The following CACNA1D variants were observed in gnomAD, a reference collection of about 807,000 sequenced individuals.
The protein encoded by CACNA1D is calcium voltage-gated channel subunit alpha1 D, also known as voltage-dependent L-type calcium channel subunit alpha-1D.
In CACNA1D, 55 loss-of-function variants were observed where a neutral mutation model predicts 257.1. That is an observed-to-expected ratio of 0.21 (90% CI 0.17 to 0.27). The LOEUF (loss-of-function observed/expected upper bound fraction) is 0.27. Among genes scored for constraint, CACNA1D ranks in the 10% least tolerant of loss-of-function variants. The pLI is 1.00. For missense variants in CACNA1D, 1,876 were observed against 2,784.0 expected (o/e 0.67, Z 7.34); for synonymous variants, 980 against 1,014.9 (o/e 0.97, Z 0.65).
chr3:53,603,456 T>G (rs979094080), intron 3 of CACNA1D, among the ~76,000 whole-genome samples: 1 of 152,192 alleles, frequency 6.6e-6, no homozygotes, highest in Non-Finnish European at 1.5e-5. Flanking sequence ...GGGGTTGTTG[T>G]GAGAATGAAA....
At chr3:53,635,652 G>T (rs2093874578) in intron 3 of CACNA1D, among the ~76,000 whole-genome samples, 1 of 152,130 alleles carries the variant, frequency 6.6e-6, no homozygotes, top group African/African-American at 2.4e-5. Flanking sequence ...GATCTCTGTA[G>T]TGCCTCTTGG....
At chr3:53,590,099 C>A (rs772024066) in intron 3 of CACNA1D, among the ~76,000 whole-genome samples, 1 of 152,242 alleles carries the variant, frequency 6.6e-6, no homozygotes, top group Admixed American at 6.5e-5. Context: ...GACATCCCAG[C>A]CCTGGATGGA....
chr3:53,595,036 C>T lies in CACNA1D; in HGVS notation c.484-55743C>T, dbSNP rs571704824. The stretch of plus-strand genomic sequence containing the variant: ...TGTCCTGTTGTTTTGCTATTGATTT[C>T]TTTCCTCAGGTTTCAATTGGTATTT... On this transcript the variant is annotated intron_variant, in intron 3 of 47. Coordinates refer to ENST00000350061, the MANE Select transcript of CACNA1D (RefSeq NM_001128840.3). Among the ~76,000 whole-genome samples, 27 of 152,316 alleles carry T rather than the reference C, an allele frequency of 1.8e-4. 1 individual carries two copies. In the South Asian group the frequency reaches 5.6e-3, roughly 32 times the overall value.
At chr3:53,691,558 A>T (rs1363025178) in intron 8 of CACNA1D, among the ~76,000 whole-genome samples, 2 of 150,136 alleles carry the variant, frequency 1.3e-5, no homozygotes, top group Admixed American at 6.7e-5. Context: ...TAACCCTTCA[A>T]AGAGAGAGAA....
chr3:53,496,275 G>C (rs1231690453), intron 1 of CACNA1D, among the ~76,000 whole-genome samples: 2 of 152,226 alleles, frequency 1.3e-5, no homozygotes, highest in African/African-American at 2.4e-5. Flanking sequence ...GCTGGCGGGG[G>C]CTTCGCATAG....
intron 3 of CACNA1D, among the ~76,000 whole-genome samples, chr3:53,567,396 TA>T (rs113034273): frequency 3.3e-5 from 5 of 152,352 alleles, no homozygotes; most frequent in African/African-American, 1.2e-4. Flanking sequence ...CAAAAGGTGT[TA>T]GACACACACC....
intron 21 of CACNA1D, chr3:53,740,585 G>A (rs1576519679): frequency 8.7e-6 from 4 of 458,962 alleles, no homozygotes; most frequent in East Asian, 4.0e-5. Context: ...TTTGTCTTTC[G>A]TGGTTGAGCT....
intron 3 of CACNA1D, among the ~76,000 whole-genome samples, chr3:53,650,296 A>C (rs1456214587): frequency 2.8e-4 from 42 of 152,228 alleles, no homozygotes. Flanking sequence ...TCGAACTCAG[A>C]CATAAACCCA....
At chr3:53,757,351 A>G (rs1022709245) in intron 29 of CACNA1D, among the ~76,000 whole-genome samples, 2 of 152,024 alleles carry the variant, frequency 1.3e-5, no homozygotes, top group Non-Finnish European at 2.9e-5. Flanking sequence ...TGTCCTTTTG[A>G]CATTGAGGTT....
intron 30 of CACNA1D, among the ~76,000 whole-genome samples, chr3:53,768,433 C>G (rs941668500): frequency 3.3e-5 from 5 of 152,218 alleles, no homozygotes; most frequent in African/African-American, 1.2e-4. Context: ...TGTGCACAGC[C>G]TTAGTGAGAA....
Position 53,673,991 on chromosome 3 carries a change from T to A in CACNA1D, c.1220+865T>A. ...TTTCTGCCTGTATCTGTCTGTGAGA[T>A]TCCGTGTTTCCAATGCTTGCCAAAC... On this transcript the variant is annotated intron_variant, in intron 8 of 47. Transcript: ENST00000350061. The surrounding 1 kb of genome is among the most constrained non-coding windows in gnomAD (Gnocchi z 4.1). 2 of 682,772 alleles carry A rather than the reference T, an allele frequency of 2.9e-6. No individual in the cohort carries two copies. The highest frequency in any genetic ancestry group is 2.7e-6 in the Non-Finnish European group (1 of 368,808). The allele number at this position is 682,772 out of a possible 1,614,324, so 42.3% of individuals were successfully genotyped here. A position where few individuals can be genotyped will look rare whatever the true frequency, so the allele number is the denominator to read the frequency against.
intron 9 of CACNA1D, among the ~76,000 whole-genome samples, chr3:53,708,132 T>C (rs2094711657): frequency 6.6e-6 from 1 of 152,240 alleles, no homozygotes; most frequent in African/African-American, 2.4e-5. Context: ...ACTGCAATGT[T>C]TGCTTTGGGG....
In CACNA1D at chr3:53,719,639, G is replaced by A. The variant is rs1400371463; in HGVS notation, c.1479-116G>A. The A allele has an allele frequency of 1.1e-5, 10 of 923,826 alleles. No homozygotes were observed. The East Asian group carries it at 1.2e-4, about 11-fold the overall frequency. The allele number at this position is 923,826 out of a possible 1,614,324, so 57.2% of individuals were successfully genotyped here. ...CCCTGCTGGCCTGCTGTGGTAACCA[G>A]GGGTGCTAAGTCCAGGCTGTATGCA... On this transcript the variant is annotated intron_variant, in intron 10 of 47. Coordinates refer to ENST00000350061, the MANE Select transcript of CACNA1D (RefSeq NM_001128840.3).
chr3:53,757,298 T>C (rs895471745), intron 29 of CACNA1D, among the ~76,000 whole-genome samples: 1 of 152,226 alleles, frequency 6.6e-6, no homozygotes, highest in African/African-American at 2.4e-5. Flanking sequence ...CAAGTATTAC[T>C]GTCCTTAGAA....
intron 4 of CACNA1D, among the ~76,000 whole-genome samples, chr3:53,659,043 T>C (rs11713811): frequency 0.14 from 21,883 of 152,254 alleles, 1,895 homozygotes; most frequent in Middle Eastern, 0.27. Flanking sequence ...CATTAAACTT[T>C]GGACACCTTT....
chr3:53,775,759 A>T, intron 34 of CACNA1D, 127 bp from the exon 35 acceptor site: 1 of 911,494 alleles, frequency 1.1e-6, no homozygotes, highest in Non-Finnish European at 1.8e-6. Flanking sequence ...CATTTCCATT[A>T]ATTCAAATTG....
At chr3:53,644,290 T>A (rs1251573013) in intron 3 of CACNA1D, among the ~76,000 whole-genome samples, 1 of 152,208 alleles carries the variant, frequency 6.6e-6, no homozygotes, top group Admixed American at 6.5e-5. Context: ...AATTAACATA[T>A]CTATTACCTC....
At chr3:53,629,829 G>A (rs1350394940) in intron 3 of CACNA1D, among the ~76,000 whole-genome samples, 2 of 152,176 alleles carry the variant, frequency 1.3e-5, no homozygotes, top group Non-Finnish European at 2.9e-5. Context: ...CTCTGCCAGT[G>A]CGTTCAAAAG....
chr3:53,778,917 A>G (rs977054058), intron 37 of CACNA1D, among the ~76,000 whole-genome samples: 1 of 152,256 alleles, frequency 6.6e-6, no homozygotes, highest in African/African-American at 2.4e-5. Context: ...GGGAATAGTA[A>G]TGGATCCCGT....
Sources: gnomAD v4.1 joint callset for allele counts (sites outside exome capture counted in the v4.1 genomes callset) on GRCh38, gnomAD v4.1.1 for gene constraint, Gnocchi (gnomAD v3.1) non-coding constraint, MANE v1.5 for transcripts, NCBI Gene and HGNC (gene_info 2026-07-23, HGNC 2026-07-21) for gene names.